XKR9: variants seen among roughly 807,000 people sequenced by gnomAD.
The protein encoded by XKR9 is XK-related protein 9.
A neutral mutation model predicts 32.0 loss-of-function variants in XKR9; 32 were observed. The ratio of observed to expected loss-of-function variants is 1.00; its 90% confidence interval spans 0.76 to 1.34. XKR9 has a LOEUF of 1.34. Among genes scored for constraint, XKR9 ranks in the 40% most tolerant of loss-of-function variants. The pLI, the probability that XKR9 is intolerant of heterozygous loss-of-function variation, is 0.00. For missense variants in XKR9, 546 were observed against 429.7 expected (o/e 1.27, Z -2.39); for synonymous variants, 168 against 143.4 (o/e 1.17, Z -1.22).
chr8:70,769,162 G>A (rs1293423158), intron 2 of XKR9, among the ~76,000 whole-genome samples: 1 of 151,786 alleles, frequency 6.6e-6, no homozygotes, highest in African/African-American at 2.4e-5. Context: ...TGACTGTAAA[G>A]GATTTTATTT....
At chr8:70,710,798 A>T (rs1481435459) in intron 4 of XKR9, among the ~76,000 whole-genome samples, 1 of 152,288 alleles carries the variant, frequency 6.6e-6, no homozygotes, top group Admixed American at 6.5e-5. Flanking sequence ...TAATTAAACT[A>T]AAGAGCTTCT....
intron 2 of XKR9, chr8:70,678,278 AT>A (rs1235193113): frequency 2.0e-5 from 3 of 152,096 alleles, no homozygotes; most frequent in Non-Finnish European, 1.5e-5. Context: ...TTTATTAATT[AT>A]TTTTTATTGT....
chr8:71,052,552 G>A, the XKR9 span, among the ~76,000 whole-genome samples: 1 of 152,154 alleles, frequency 6.6e-6, no homozygotes, highest in African/African-American at 2.4e-5. Context: ...GCCCATAGGA[G>A]GCATGATTCT....
the XKR9 span, among the ~76,000 whole-genome samples, chr8:70,988,432 G>A: frequency 6.6e-6 from 1 of 151,852 alleles, no homozygotes; most frequent in Non-Finnish European, 1.5e-5. Flanking sequence ...CTTCTCCTTG[G>A]ATTGAATGGC....
chr8:70,749,881 A>G (rs34409123), intron 2 of XKR9, among the ~76,000 whole-genome samples: 61,328 of 152,102 alleles, frequency 0.4, 13,902 homozygotes, highest in Non-Finnish European at 0.52. Context: ...AGACTGTTGC[A>G]TGTTGTGTTT....
chr8:70,847,390 A>G, the XKR9 span, among the ~76,000 whole-genome samples: 1 of 151,936 alleles, frequency 6.6e-6, no homozygotes, highest in Non-Finnish European at 1.5e-5. Context: ...ACAAGAAAGT[A>G]AATATTTCAT....
intron 2 of XKR9, among the ~76,000 whole-genome samples, chr8:70,762,665 T>C (rs1807324232): frequency 6.6e-6 from 1 of 152,182 alleles, no homozygotes; most frequent in African/African-American, 2.4e-5. Context: ...TTGAAAATAA[T>C]AATATATAAA....
chr8:70,764,509 ACTT>A (rs1807349155), intron 2 of XKR9, among the ~76,000 whole-genome samples: 1 of 152,078 alleles, frequency 6.6e-6, no homozygotes, highest in Admixed American at 6.6e-5. Flanking sequence ...TCTTGTTTGG[ACTT>A]CTTCTATATG....
At chr8:70,685,197 G>A (rs1819222099) in intron 3 of XKR9, among the ~76,000 whole-genome samples, 2 of 148,254 alleles carry the variant, frequency 1.3e-5, no homozygotes, top group East Asian at 2.0e-4. Flanking sequence ...CCTTTGTAGG[G>A]ACATGGGTGA....
chr8:71,009,429 A>C, the XKR9 span, among the ~76,000 whole-genome samples: 2 of 152,174 alleles, frequency 1.3e-5, no homozygotes, highest in Non-Finnish European at 2.9e-5. Flanking sequence ...AGGGAAGCCA[A>C]AAGATTGGAC....
chr8:71,021,419 A>G, the XKR9 span, among the ~76,000 whole-genome samples: 1 of 151,244 alleles, frequency 6.6e-6, no homozygotes, highest in African/African-American at 2.4e-5. Context: ...GATTCTGAAT[A>G]TTAGACCTTT....
chr8:70,907,572 A>C, the XKR9 span, among the ~76,000 whole-genome samples: 1 of 152,324 alleles, frequency 6.6e-6, no homozygotes, highest in Admixed American at 6.5e-5. Flanking sequence ...TGAGCATAAC[A>C]GATTTGGGGG....
At chr8:70,962,365 G>T in the XKR9 span, among the ~76,000 whole-genome samples, 1 of 151,988 alleles carries the variant, frequency 6.6e-6, no homozygotes, top group Non-Finnish European at 1.5e-5. Context: ...CTTCCCTCCT[G>T]CCTCCTTCTA....
the XKR9 span, among the ~76,000 whole-genome samples, chr8:71,063,407 T>G: frequency 6.6e-6 from 1 of 152,134 alleles, no homozygotes; most frequent in Non-Finnish European, 1.5e-5. Flanking sequence ...ATATTTGTCA[T>G]CTATCTGGCT....
At chr8:70,858,403 T>C in the XKR9 span, among the ~76,000 whole-genome samples, 1 of 151,996 alleles carries the variant, frequency 6.6e-6, no homozygotes, top group African/African-American at 2.4e-5. Context: ...GGAATCCAAC[T>C]TACAAGAGGT....
intron 4 of XKR9, among the ~76,000 whole-genome samples, chr8:70,728,348 G>T (rs1806547025): frequency 6.6e-6 from 1 of 152,232 alleles, no homozygotes; most frequent in Non-Finnish European, 1.5e-5. Context: ...CATAGTGGGG[G>T]TAGGTGCTGA....
downstream of XKR9, among the ~76,000 whole-genome samples, chr8:70,738,337 G>T (rs1427437173): frequency 1.8e-4 from 26 of 142,990 alleles, no homozygotes; most frequent in African/African-American, 3.3e-4. Context: ...ATTTTTTATT[G>T]TGTCTATTTG....
the XKR9 span, among the ~76,000 whole-genome samples, chr8:70,802,529 G>A: frequency 6.6e-6 from 1 of 152,314 alleles, no homozygotes; most frequent in East Asian, 1.9e-4. Flanking sequence ...CATGTTATTA[G>A]CTGGTTATTA....
At chr8:70,887,446 T>G in the XKR9 span, among the ~76,000 whole-genome samples, 1 of 152,298 alleles carries the variant, frequency 6.6e-6, no homozygotes, top group Admixed American at 6.5e-5. Flanking sequence ...AGTAGTTTTT[T>G]TCTAATTCCG....
Sources: allele counts gnomAD v4.1 joint callset (sites outside exome capture counted in the v4.1 genomes callset), GRCh38; gene constraint gnomAD v4.1.1; transcripts MANE v1.5; gene names NCBI Gene and HGNC (gene_info 2026-07-23, HGNC 2026-07-21).